DLC1: variants seen among roughly 807,000 people sequenced by gnomAD.
The protein encoded by DLC1 is DLC1 Rho GTPase activating protein, also known as rho GTPase-activating protein 7.
In DLC1, 54 loss-of-function variants were observed where a neutral mutation model predicts 140.3. The observed-to-expected ratio is 0.38, with a 90% CI of 0.31 to 0.48. The LOEUF (loss-of-function observed/expected upper bound fraction) is 0.48, where lower values mean the gene tolerates loss of function less well. Among genes scored for constraint, DLC1 ranks in the 20% least tolerant of loss-of-function variants. DLC1 has a pLI of 0.96. For synonymous variants in DLC1, 986 were observed against 728.1 expected, an observed-to-expected ratio of 1.35 and a Z score of -5.70; for missense variants, 2,536 against 1,907.0, an observed-to-expected ratio of 1.33 and a Z score of -6.14.
chr8:13,100,435 G>A lies in DLC1; in HGVS notation c.1902C>T (p.Asp634=), dbSNP rs140547130. 1.9e-5 allele frequency: 30 copies of A among 1,613,900 alleles called. No individual in the cohort carries two copies. The highest frequency in any genetic ancestry group is 2.5e-5 in the Non-Finnish European group (30 of 1,180,040). ...VCSSSNLAGN[D]DSFGSLPSPK... ...GAGAGGGCAGGCTGCCGAAAGAGTC[G>A]TCATTGCCTGCCAAGTTGCTGGAGG... Residue 634 remains aspartate (D), a synonymous_variant, in exon 9 of 18, where the codon GAC becomes GAT. Transcript: ENST00000276297.
At chr8:13,335,079 G>T (rs188658299) in intron 4 of DLC1, among the ~76,000 whole-genome samples, 6 of 152,144 alleles carry the variant, frequency 3.9e-5, no homozygotes, top group African/African-American at 9.7e-5. Context: ...GGTCCAAGCT[G>T]CAGGTATACA....
chr8:13,336,613 A>G (rs1471747288), intron 4 of DLC1, among the ~76,000 whole-genome samples: 2 of 152,208 alleles, frequency 1.3e-5, no homozygotes, highest in Non-Finnish European at 2.9e-5. Flanking sequence ...AAAACTGGAA[A>G]GATCAGAAGA....
intron 5 of DLC1, among the ~76,000 whole-genome samples, chr8:13,289,643 T>C (rs551792706): frequency 4.1e-4 from 62 of 152,304 alleles, no homozygotes; most frequent in African/African-American, 1.5e-3. Flanking sequence ...AAATTCCTTT[T>C]ATGTGGGTGC....
At position 13,094,884 on chromosome 8, in the gene DLC1, T is replaced by C. The variant is rs377159911; in HGVS notation, c.3401A>G (p.Asp1134Gly). 51 of 1,614,212 alleles carry C rather than the reference T, an allele frequency of 3.2e-5. No individual in the cohort carries two copies. In the African/African-American group the frequency reaches 6.0e-4, roughly 19 times the overall value. Residue 1134 changes from aspartate (D) to glycine (G), a missense_variant, in exon 12 of 18, where the codon GAC (aspartate) becomes GGC (glycine). By Grantham distance (94) the Asp-to-Gly change is moderately conservative. Coordinates refer to ENST00000276297, the MANE Select transcript of DLC1 (RefSeq NM_182643.3). ...AGACTGTCCTTCGTAGTTGACACAG[T>C]CTATGGCACCTTCATTCATCTGGCG... is the stretch of plus-strand genomic sequence containing the variant. ...ALRQMNEGAI[D>G]CVNYEGQSAY...
intron 4 of DLC1, among the ~76,000 whole-genome samples, chr8:13,330,022 T>G (rs779812415): frequency 6.6e-6 from 1 of 152,166 alleles, no homozygotes; most frequent in Non-Finnish European, 1.5e-5. Context: ...TGGAGTGCAG[T>G]GGCATGATCG....
chr8:13,242,422 G>GGGGAAA (rs1458350763), intron 5 of DLC1, among the ~76,000 whole-genome samples: 2 of 151,348 alleles, frequency 1.3e-5, no homozygotes, highest in African/African-American at 4.9e-5. Context: ...TGGAGACAAG[G>GGGGAAA]TCTCTCTCTG....
chr8:13,475,573 A>T (rs775890240), intron 2 of DLC1, among the ~76,000 whole-genome samples: 4 of 152,248 alleles, frequency 2.6e-5, no homozygotes, highest in African/African-American at 9.6e-5. Flanking sequence ...GAAAATATAG[A>T]TTATAAACAG....
intron 5 of DLC1, among the ~76,000 whole-genome samples, chr8:13,262,167 G>A (rs1158733876): frequency 2.0e-5 from 3 of 152,006 alleles, no homozygotes. Flanking sequence ...TTTCTGTATT[G>A]GTTGTGACTG....
At chr8:13,440,673 C>G (rs1419426366) in intron 2 of DLC1, among the ~76,000 whole-genome samples, 2 of 152,032 alleles carry the variant, frequency 1.3e-5, no homozygotes, top group African/African-American at 4.8e-5. Flanking sequence ...CCCAGAACTC[C>G]CATGTATGGA....
intron 2 of DLC1, among the ~76,000 whole-genome samples, chr8:13,441,586 T>C (rs1798512091): frequency 1.3e-5 from 2 of 152,010 alleles, no homozygotes; most frequent in Admixed American, 6.6e-5. Flanking sequence ...GAGAGCCAAA[T>C]CATGAGTGAA....
At chr8:13,579,408 TATTATATTTTATATTATATATTTAATAC>T (rs1563454214) in intron 1 of DLC1, among the ~76,000 whole-genome samples, 5 of 67,072 alleles carry the variant, frequency 7.5e-5, no homozygotes, top group African/African-American at 2.2e-4. Flanking sequence ...ATATTTAATA[TATTATATTTTATATTATATATTTAATAC>T]ATTATATTTT....
At chr8:13,214,791 G>A (rs774617975) in intron 5 of DLC1, 3 of 779,760 alleles carry the variant, frequency 3.8e-6, no homozygotes, top group Non-Finnish European at 7.2e-6. Context: ...GGTTCCAGGG[G>A]AGGTAAAAAG....
rs996808831 is a variant in DLC1, at chr8:13,586,574, A to G, written c.-126+17963T>C. ...AGACTTTTTTAAATATTTAGAGAATAATGCAGATGCACATGCACACACACA... is the reference window on the plus strand; with the variant it reads ...AGACTTTTTTAAATATTTAGAGAATGATGCAGATGCACATGCACACACACA... On this transcript the variant is annotated intron_variant, in intron 1 of 1. Transcript: ENST00000631382. Among the ~76,000 whole-genome samples, 3 of 139,846 alleles carry G rather than the reference A, an allele frequency of 2.1e-5. No individual in the cohort carries two copies. The Admixed American group carries it at 2.2e-4, about 10-fold the overall frequency. 91.7% of individuals were successfully genotyped at this position (139,846 alleles called of 152,430 possible). A position where few individuals can be genotyped will look rare whatever the true frequency, so the allele number is the denominator to read the frequency against.
At chr8:13,141,256 C>CAAAAAAAAAAAAAAAAAAAAAA (rs34321250) in intron 5 of DLC1, among the ~76,000 whole-genome samples, 6 of 63,806 alleles carry the variant, frequency 9.4e-5, no homozygotes, top group African/African-American at 1.7e-4. Flanking sequence ...GAGTCTGTCT[C>CAAAAAAAAAAAAAAAAAAAAAA]AAAAAAAAAA....
intron 1 of DLC1, among the ~76,000 whole-genome samples, chr8:13,525,267 T>A (rs1018237340): frequency 6.6e-6 from 1 of 152,196 alleles, no homozygotes; most frequent in Admixed American, 6.6e-5. Flanking sequence ...ATTGGGATAT[T>A]GTTATTTGGC....
At chr8:13,369,746 C>T (rs1239343813) in intron 4 of DLC1, among the ~76,000 whole-genome samples, 2 of 152,010 alleles carry the variant, frequency 1.3e-5, no homozygotes, top group African/African-American at 2.4e-5. Context: ...TTACACTTGC[C>T]TCCTGCCTGG....
chr8:13,094,675 A>G lies in DLC1; in HGVS notation c.3526+84T>C, dbSNP rs528522194. 8.0e-4 allele frequency: 1,221 copies of G among 1,535,430 alleles called. 9 individuals are homozygous for G. The African/African-American group carries it at 0.015, about 19-fold the overall frequency. On this transcript the variant is annotated intron_variant, in intron 12 of 17. Coordinates refer to ENST00000276297, the MANE Select transcript of DLC1 (RefSeq NM_182643.3). Reference sequence around the variant, plus strand: ...AGCGAGACTCCATCTCAAAAAAAAAAAGAATGCTATCAAGGAAGCTACAAG... The same window carrying G: ...AGCGAGACTCCATCTCAAAAAAAAAGAGAATGCTATCAAGGAAGCTACAAG...
intron 2 of DLC1, among the ~76,000 whole-genome samples, chr8:13,447,037 A>T (rs578036240): frequency 7.2e-4 from 109 of 152,248 alleles, no homozygotes; most frequent in Admixed American, 2.5e-3. Context: ...CTAGTACTCA[A>T]TTCTTATGTT....
At chr8:13,346,275 C>T (rs1421178590) in intron 4 of DLC1, among the ~76,000 whole-genome samples, 1 of 152,154 alleles carries the variant, frequency 6.6e-6, no homozygotes, top group East Asian at 1.9e-4. Flanking sequence ...TCAGAAGAGG[C>T]TTTCTCCATT....
Sources: gnomAD v4.1 joint callset for allele counts (sites outside exome capture counted in the v4.1 genomes callset) on GRCh38, gnomAD v4.1.1 for gene constraint, MANE v1.5 for transcripts, NCBI Gene and HGNC (gene_info 2026-07-23, HGNC 2026-07-21) for gene names.